The following UGT1A9 variants were observed in gnomAD, a reference collection of about 807,000 sequenced individuals.
UGT1A9 encodes UDP glucuronosyltransferase family 1 member A9.
UGT1A9 carries 35 observed loss-of-function variants against 45.0 expected under a neutral mutation model. That is an observed-to-expected ratio of 0.78 (90% CI 0.59 to 1.03). The LOEUF (loss-of-function observed/expected upper bound fraction) is 1.03. UGT1A9 is among the 50% of genes least tolerant of loss of function. The probability of loss-of-function intolerance (pLI) is 0.00; values close to 1 mark genes in which losing one functional copy is unlikely to be tolerated. For missense variants in UGT1A9, 687 were observed against 666.6 expected, an observed-to-expected ratio of 1.03 and a Z score of -0.34; for synonymous variants, 278 against 250.6, an observed-to-expected ratio of 1.11 and a Z score of -1.03.
chr2:233,691,862 A>G (rs1473009985), intron 1 of UGT1A9: 1 of 157,276 alleles, frequency 6.4e-6, no homozygotes, highest in African/African-American at 2.4e-5. Context: ...GATGTATAAT[A>G]AGAAATATAT....
At chr2:233,698,965 A>G (rs2075473391) in intron 1 of UGT1A9, among the ~76,000 whole-genome samples, 1 of 152,180 alleles carries the variant, frequency 6.6e-6, no homozygotes, top group Admixed American at 6.5e-5. Context: ...GCCCTTGGGG[A>G]AGCCCTTTGG....
In UGT1A9 at chr2:233,672,280, A is replaced by G; in HGVS notation, c.346A>G (p.Ile116Val). ...YSLLMGSYND[I>V]FDLFFSNCRS... is the part of the protein sequence containing the mutation. Reference sequence around the variant, plus strand: ...TCTATTAATGGGTTCATACAATGACATTTTTGACTTATTTTTTTCAAATTG... The same window carrying G: ...TCTATTAATGGGTTCATACAATGACGTTTTTGACTTATTTTTTTCAAATTG... The change falls in exon 1 of 5, where the codon ATT (isoleucine) becomes GTT (valine). Residue 116 changes from isoleucine (I) to valine (V), a missense_variant. Transcript: ENST00000354728. 4 of 1,613,878 alleles carry G rather than the reference A, an allele frequency of 2.5e-6. No individual in the cohort carries two copies. Among genetic ancestry groups the G allele is most frequent in the Non-Finnish European group, 3.4e-6 (4 of 1,179,816 alleles).
At chr2:233,719,653 G>T in intron 1 of UGT1A9, 1 of 1,614,078 alleles carries the variant, frequency 6.2e-7, no homozygotes, top group Non-Finnish European at 8.5e-7. Context: ...TTCATTGGGG[G>T]CATCAACTGT....
At chr2:233,676,487 G>A (rs986266023) in intron 1 of UGT1A9, among the ~76,000 whole-genome samples, 4 of 152,174 alleles carry the variant, frequency 2.6e-5, no homozygotes, top group African/African-American at 9.6e-5. Context: ...GACGCATAAT[G>A]ATGAGCTAAA....
At chr2:233,677,862 A>G (rs773721257) in intron 1 of UGT1A9, among the ~76,000 whole-genome samples, 1 of 152,184 alleles carries the variant, frequency 6.6e-6, no homozygotes, top group Non-Finnish European at 1.5e-5. Flanking sequence ...CAAGAAACAC[A>G]TGCACTGGTA....
intron 1 of UGT1A9, chr2:233,760,610 G>C: frequency 1.2e-6 from 2 of 1,614,182 alleles, no homozygotes; most frequent in Non-Finnish European, 1.7e-6. Context: ...TTCCTGCAGC[G>C]TGTGATCAAA....
chr2:233,677,228 A>G (rs1412846028), intron 1 of UGT1A9, among the ~76,000 whole-genome samples: 1 of 152,170 alleles, frequency 6.6e-6, no homozygotes. Context: ...TTCAATGTAC[A>G]GTCTTTCACA....
intron 4 of UGT1A9, chr2:233,771,129 T>C (rs1305021368): frequency 6.6e-6 from 1 of 152,152 alleles, no homozygotes. Context: ...TCCGACCCCA[T>C]GATCCAAACA....
intron 1 of UGT1A9, among the ~76,000 whole-genome samples, chr2:233,754,048 T>C (rs1329917116): frequency 6.6e-6 from 1 of 152,254 alleles, no homozygotes; most frequent in Non-Finnish European, 1.5e-5. Flanking sequence ...TTGCCAGGTT[T>C]ACCTGCTTTT....
intron 1 of UGT1A9, among the ~76,000 whole-genome samples, chr2:233,687,413 G>T (rs1169237958): frequency 6.6e-6 from 1 of 151,954 alleles, no homozygotes; most frequent in African/African-American, 2.4e-5. Flanking sequence ...ACATATATTG[G>T]AGGCTTACCG....
At chr2:233,744,463 T>C (rs376604429) in intron 1 of UGT1A9, among the ~76,000 whole-genome samples, 1 of 151,892 alleles carries the variant, frequency 6.6e-6, no homozygotes, top group African/African-American at 2.4e-5. Flanking sequence ...TAAAACAGAA[T>C]TAAAAAGACA....
chr2:233,681,083 C>T (rs1479456676), intron 1 of UGT1A9, among the ~76,000 whole-genome samples: 1 of 151,852 alleles, frequency 6.6e-6, no homozygotes, highest in South Asian at 2.1e-4. Flanking sequence ...TGTGGCTCAC[C>T]TGTGTCTCTG....
At chr2:233,761,149 C>G (rs1575779799) in intron 1 of UGT1A9, 1 of 1,614,176 alleles carries the variant, frequency 6.2e-7, no homozygotes, top group East Asian at 2.2e-5. Context: ...TCCACTATCC[C>G]AGGTGTGTAT....
chr2:233,718,774 A>G, intron 1 of UGT1A9: 2 of 1,612,926 alleles, frequency 1.2e-6, no homozygotes, highest in Non-Finnish European at 1.7e-6. Flanking sequence ...CAAATGTAGC[A>G]GGCACAGCGT....
At chr2:233,694,323 T>G (rs764073921) in intron 1 of UGT1A9, among the ~76,000 whole-genome samples, 4 of 152,006 alleles carry the variant, frequency 2.6e-5, no homozygotes, top group Non-Finnish European at 5.9e-5. Flanking sequence ...TTTCCTTTTA[T>G]GTTGAGACCT....
At chr2:233,771,613 G>GT (rs1296922590) in intron 4 of UGT1A9, 10 of 152,180 alleles carry the variant, frequency 6.6e-5, no homozygotes, top group Non-Finnish European at 1.2e-4. Flanking sequence ...AATTTCTGAC[G>GT]TGACATTTTC....
At chr2:233,725,624 T>C (rs1443141864) in intron 1 of UGT1A9, among the ~76,000 whole-genome samples, 1 of 152,198 alleles carries the variant, frequency 6.6e-6, no homozygotes, top group African/African-American at 2.4e-5. Flanking sequence ...GTCTTCAAAA[T>C]CTAGCATATA....
chr2:233,730,518 T>A (rs1423750757), intron 1 of UGT1A9, among the ~76,000 whole-genome samples: 1 of 152,032 alleles, frequency 6.6e-6, no homozygotes, highest in South Asian at 2.1e-4. Context: ...TCAGTGGAAG[T>A]GGGGCAATGA....
At chr2:233,765,400 T>G (rs1698825297) in intron 1 of UGT1A9, among the ~76,000 whole-genome samples, 1 of 152,170 alleles carries the variant, frequency 6.6e-6, no homozygotes, top group Admixed American at 6.5e-5. Context: ...ATGTGGTACA[T>G]ATACACCATG....
Sources: allele counts gnomAD v4.1 joint callset (sites outside exome capture counted in the v4.1 genomes callset), GRCh38; gene constraint gnomAD v4.1.1; transcripts MANE v1.5; gene names NCBI Gene and HGNC (gene_info 2026-07-23, HGNC 2026-07-21).